Variants in NBEA observed in about 807,000 individuals in gnomAD.
The protein encoded by NBEA is neurobeachin.
Under a neutral mutation model 343.4 loss-of-function variants are expected in NBEA, and 44 were observed. The observed-to-expected ratio is 0.13, with a 90% CI of 0.10 to 0.16. The LOEUF (loss-of-function observed/expected upper bound fraction) is 0.16, where lower values mean the gene tolerates loss of function less well. Among genes scored for constraint, NBEA ranks in the 10% least tolerant of loss-of-function variants. The probability of loss-of-function intolerance (pLI) is 1.00; values close to 1 mark genes in which losing one functional copy is unlikely to be tolerated. For missense variants in NBEA, 2,555 were observed against 3,631.3 expected (o/e 0.70, Z 7.62); for synonymous variants, 1,175 against 1,238.7 (o/e 0.95, Z 1.08).
At chr13:35,332,636 G>A (rs1329901446) in intron 36 of NBEA, among the ~76,000 whole-genome samples, 1 of 151,954 alleles carries the variant, frequency 6.6e-6, no homozygotes, top group Non-Finnish European at 1.5e-5. Context: ...ATTTAACTTT[G>A]GATAACACCA....
chr13:34,943,866 C>T lies in NBEA; in HGVS notation c.294+752C>T, dbSNP rs142064934. On this transcript the variant is annotated intron_variant, in intron 1 of 58. Transcript: ENST00000379939. ...TAAAGACTAAAGGAAAGGTTTTAAA[C>T]GCAGCCCTAGGTTTTGGTTCCTTTC... Among the ~76,000 whole-genome samples, 16 of 152,250 alleles carry T rather than the reference C, an allele frequency of 1.1e-4. No individual in the cohort carries two copies. In the East Asian group the frequency reaches 1.2e-3, roughly 11 times the overall value.
At chr13:35,275,916 G>A (rs888355966) in intron 34 of NBEA, among the ~76,000 whole-genome samples, 1 of 151,928 alleles carries the variant, frequency 6.6e-6, no homozygotes, top group Middle Eastern at 3.2e-3. Context: ...CGGGTTGATG[G>A]GTGCAGCAAA....
chr13:34,950,170 T>G (rs899757811), intron 1 of NBEA, among the ~76,000 whole-genome samples: 1 of 152,156 alleles, frequency 6.6e-6, no homozygotes, highest in Admixed American at 6.5e-5. Context: ...CAACAGTAAC[T>G]GGTATTGGTT....
At chr13:35,304,376 A>G (rs2036751465) in intron 35 of NBEA, among the ~76,000 whole-genome samples, 1 of 150,856 alleles carries the variant, frequency 6.6e-6, no homozygotes, top group African/African-American at 2.5e-5. Context: ...TGTGTGTGTG[A>G]CGGAGTCTTG....
At chr13:35,224,571 C>G (rs1291797949) in intron 33 of NBEA, among the ~76,000 whole-genome samples, 2 of 152,032 alleles carry the variant, frequency 1.3e-5, no homozygotes, top group Non-Finnish European at 2.9e-5. Context: ...CATATCATTT[C>G]TTTTACTGTA....
chr13:35,403,253 G>T (rs939638931), intron 38 of NBEA, among the ~76,000 whole-genome samples: 13 of 152,034 alleles, frequency 8.6e-5, no homozygotes, highest in Admixed American at 7.2e-4. Context: ...ATGTTAATAT[G>T]ATTAATAACA....
Position 35,182,364 on chromosome 13 carries a change from A to T in NBEA, c.4667A>T (p.Asp1556Val). 1 of 1,598,774 alleles carries T rather than the reference A, an allele frequency of 6.3e-7. No homozygotes were observed. The highest frequency in any genetic ancestry group is 8.5e-7 in the Non-Finnish European group (1 of 1,174,742). ...LRAVVFRDVD[D>V]SKQAQFLALA... The stretch of plus-strand genomic sequence containing the variant: ...CTGTCTTTTCATTTTTCATAGGATG[A>T]TAGCAAACAAGCACAGTTCTTAGCT... Residue 1556 changes from aspartate (D) to valine (V), a missense_variant, in exon 29 of 59, where the codon GAT becomes GTT. Physicochemically the swap from Asp to Val is radical, Grantham distance 152. Coordinates refer to ENST00000379939, the MANE Select transcript of NBEA (RefSeq NM_001385012.1).
intron 36 of NBEA, among the ~76,000 whole-genome samples, chr13:35,342,566 C>T (rs938837332): frequency 3.3e-5 from 5 of 151,746 alleles, no homozygotes; most frequent in South Asian, 4.1e-4. Flanking sequence ...TGTACATCTA[C>T]GTAGAAATTG....
intron 39 of NBEA, among the ~76,000 whole-genome samples, chr13:35,434,763 C>T (rs1324930254): frequency 2.6e-5 from 4 of 152,048 alleles, no homozygotes; most frequent in South Asian, 2.1e-4. Context: ...CACAAATTGA[C>T]GAGAGAAATT....
chr13:35,484,993 T>C (rs754019292), intron 41 of NBEA, among the ~76,000 whole-genome samples: 19 of 152,066 alleles, frequency 1.2e-4, no homozygotes, highest in Non-Finnish European at 2.4e-4. Flanking sequence ...CATTTTAAAG[T>C]TTTAAAACTT....
Position 34,943,064 on chromosome 13 carries a change from C to A in NBEA, c.244C>A (p.Gln82Lys). ...ATTCGCAGTGTTGATTGGACTCATA[C>A]AGGTCGGAGAGGTCAGCAACAGGGA... ...MKFAVLIGLI[Q>K]VGEVSNRDIV... is the part of the protein sequence containing the mutation. The change falls in exon 1 of 59, where the codon CAG becomes AAG. Residue 82 changes from glutamine (Q) to lysine (K), a missense_variant. By Grantham distance (53) the Gln-to-Lys change is moderately conservative. Around this residue, in one of 21 missense-constraint regions of NBEA, gnomAD observed 185 missense variants for 290.6 expected, o/e 0.64. Coordinates refer to ENST00000379939, the MANE Select transcript of NBEA (RefSeq NM_001385012.1). 1 of 1,613,708 alleles carries A rather than the reference C, an allele frequency of 6.2e-7. No homozygotes were observed. Among genetic ancestry groups the A allele is most frequent in the Non-Finnish European group, 8.5e-7 (1 of 1,179,780 alleles).
chr13:34,943,155 C>A, intron 1 of NBEA, 41 bp downstream of exon 1: 1 of 1,605,204 alleles, frequency 6.2e-7, no homozygotes, highest in Admixed American at 1.7e-5. Context: ...CCCCAGTCCC[C>A]ACATACACCG....
At chr13:35,086,311 AT>A (rs1161952055) in intron 10 of NBEA, among the ~76,000 whole-genome samples, 1 of 152,044 alleles carries the variant, frequency 6.6e-6, no homozygotes, top group Non-Finnish European at 1.5e-5. Flanking sequence ...TAAGTCCTCT[AT>A]TCCAGCTACT....
intron 45 of NBEA, among the ~76,000 whole-genome samples, chr13:35,573,771 A>C (rs1287023358): frequency 2.6e-5 from 4 of 152,210 alleles, no homozygotes; most frequent in East Asian, 3.9e-4. Flanking sequence ...TGCTCTTAGA[A>C]GAATCCTACC....
chr13:35,254,948 T>G (rs1205955796), intron 34 of NBEA, among the ~76,000 whole-genome samples: 1 of 152,110 alleles, frequency 6.6e-6, no homozygotes, highest in Non-Finnish European at 1.5e-5. Flanking sequence ...CATAGGGAAG[T>G]ATTATATAAA....
intron 37 of NBEA, among the ~76,000 whole-genome samples, chr13:35,351,710 C>T (rs2255856): frequency 0.83 from 126,404 of 151,888 alleles, 52,824 homozygotes; most frequent in South Asian, 0.94. Context: ...CCTAAATGAC[C>T]ACATTTTCTT....
intron 17 of NBEA, among the ~76,000 whole-genome samples, chr13:35,137,704 CT>C (rs1005216590): frequency 6.6e-6 from 1 of 151,778 alleles, no homozygotes; most frequent in African/African-American, 2.4e-5. Flanking sequence ...TATTGTGTTA[CT>C]TTTGGGTAGT....
At chr13:35,642,234 A>G (rs895069501) in intron 49 of NBEA, among the ~76,000 whole-genome samples, 2 of 152,198 alleles carry the variant, frequency 1.3e-5, no homozygotes, top group African/African-American at 4.8e-5. Flanking sequence ...TGATTTATTG[A>G]TTCTAAGATG....
At chr13:35,118,319 AATT>A (rs2066611858) in intron 15 of NBEA, 29 bp downstream of exon 15, 2 of 1,563,264 alleles carry the variant, frequency 1.3e-6, no homozygotes, top group South Asian at 2.4e-5. Context: ...CTTTTATTTT[AATT>A]ATTTAAGCCA....
Sources: allele counts gnomAD v4.1 joint callset (sites outside exome capture counted in the v4.1 genomes callset), GRCh38; gene constraint gnomAD v4.1.1; regional missense constraint gnomAD v4.1.1; transcripts MANE v1.5; gene names NCBI Gene and HGNC (gene_info 2026-07-23, HGNC 2026-07-21).